The following GMDS variants were observed in gnomAD, a reference collection of about 807,000 sequenced individuals.
GMDS encodes GDP-mannose 4,6 dehydratase.
Under a neutral mutation model 49.9 loss-of-function variants are expected in GMDS, and 20 were observed. The observed-to-expected ratio is 0.40, with a 90% CI of 0.28 to 0.58. GMDS has a LOEUF of 0.58. Among genes scored for constraint, GMDS ranks in the 20% least tolerant of loss-of-function variants. GMDS has a pLI of 0.42. For missense variants in GMDS, 362 were observed against 481.4 expected (o/e 0.75, Z 2.32); for synonymous variants, 177 against 178.6 (o/e 0.99, Z 0.07).
chr6:1,668,355 A>G (rs973310133), intron 9 of GMDS, among the ~76,000 whole-genome samples: 2 of 152,196 alleles, frequency 1.3e-5, no homozygotes, highest in Admixed American at 6.6e-5. Flanking sequence ...TAATAAGATA[A>G]AAAGGCCTTT....
At chr6:1,786,942 A>G (rs943141502) in intron 7 of GMDS, among the ~76,000 whole-genome samples, 1 of 152,176 alleles carries the variant, frequency 6.6e-6, no homozygotes, top group African/African-American at 2.4e-5. Context: ...GCCACCTCAC[A>G]CGTACCTACA....
intron 7 of GMDS, among the ~76,000 whole-genome samples, chr6:1,926,631 G>A (rs1045181394): frequency 1.3e-5 from 2 of 152,076 alleles, no homozygotes; most frequent in African/African-American, 2.4e-5. Context: ...TCATTTTTAT[G>A]ATTGCTGACT....
At chr6:2,039,522 TAAAC>T (rs1381930363) in intron 4 of GMDS, among the ~76,000 whole-genome samples, 1 of 152,178 alleles carries the variant, frequency 6.6e-6, no homozygotes, top group Non-Finnish European at 1.5e-5. Flanking sequence ...ACTATACAGT[TAAAC>T]AAAAAATATT....
chr6:2,025,094 A>G (rs1482782472), intron 4 of GMDS, among the ~76,000 whole-genome samples: 2 of 152,094 alleles, frequency 1.3e-5, no homozygotes, highest in Non-Finnish European at 1.5e-5. Flanking sequence ...GATACTTTGT[A>G]GGAATATTAT....
At chr6:2,056,878 T>C (rs1318515134) in intron 4 of GMDS, among the ~76,000 whole-genome samples, 8 of 152,198 alleles carry the variant, frequency 5.3e-5, no homozygotes, top group Admixed American at 1.3e-4. Context: ...GATGTTAATA[T>C]GATCTTAATT....
chr6:1,740,285 G>A (rs753163473), intron 8 of GMDS, among the ~76,000 whole-genome samples: 7 of 152,122 alleles, frequency 4.6e-5, no homozygotes, highest in Non-Finnish European at 1.0e-4. Flanking sequence ...GGCCAGGTGC[G>A]GTGGCTCATG....
intron 7 of GMDS, among the ~76,000 whole-genome samples, chr6:1,797,249 A>G (rs1769777170): frequency 6.6e-6 from 1 of 152,234 alleles, no homozygotes; most frequent in Non-Finnish European, 1.5e-5. Flanking sequence ...GAGGTGAAAC[A>G]GTTTTGTCAT....
intron 7 of GMDS, among the ~76,000 whole-genome samples, chr6:1,808,883 T>G (rs558048395): frequency 6.0e-5 from 9 of 149,150 alleles, no homozygotes; most frequent in African/African-American, 2.3e-4. Flanking sequence ...TCAGACTTCT[T>G]TGCACTAGTG....
chr6:1,885,033 G>A lies in GMDS; in HGVS notation c.771+45070C>T, dbSNP rs1759535153. On this transcript the variant is annotated intron_variant, in intron 7 of 10. Coordinates refer to ENST00000380815, the MANE Select transcript of GMDS (RefSeq NM_001500.4). The stretch of plus-strand genomic sequence containing the variant: ...ATGAATGTAGCACTCTGATAAAACA[G>A]GAGATATTTAAGCAATCTGGCACCT... Among the ~76,000 whole-genome samples, 3 of 152,188 alleles carry A rather than the reference G, an allele frequency of 2.0e-5. No individual in the cohort carries two copies. In the South Asian group the frequency reaches 6.2e-4, roughly 31 times the overall value.
At chr6:1,763,492 G>A (rs762482988) in intron 7 of GMDS, among the ~76,000 whole-genome samples, 146 of 152,206 alleles carry the variant, frequency 9.6e-4, no homozygotes, top group Non-Finnish European at 1.9e-3. Context: ...ACTGTCTGGC[G>A]AGGCCACAGA....
At chr6:2,196,306 T>C (rs1208903627) in intron 1 of GMDS, among the ~76,000 whole-genome samples, 5 of 152,258 alleles carry the variant, frequency 3.3e-5, no homozygotes, top group Non-Finnish European at 7.3e-5. Context: ...CACCTAGTGC[T>C]ATGCACACAA....
At chr6:2,162,756 C>T (rs1408923121) in intron 1 of GMDS, among the ~76,000 whole-genome samples, 2 of 150,854 alleles carry the variant, frequency 1.3e-5, no homozygotes, top group Non-Finnish European at 2.9e-5. Context: ...GAGTGAGACC[C>T]ATGAGATAAG....
chr6:1,699,980 TGAG>T (rs1428361736), intron 9 of GMDS, among the ~76,000 whole-genome samples: 2 of 152,050 alleles, frequency 1.3e-5, no homozygotes, highest in East Asian at 3.9e-4. Context: ...CAGGCCCAGG[TGAG>T]GAGAACAGCA....
chr6:2,172,884 T>C (rs1391292692), intron 1 of GMDS, among the ~76,000 whole-genome samples: 1 of 152,206 alleles, frequency 6.6e-6, no homozygotes, highest in African/African-American at 2.4e-5. Context: ...GGCTTTGTAC[T>C]GACATTTTAA....
intron 7 of GMDS, among the ~76,000 whole-genome samples, chr6:1,857,016 C>T (rs529663631): frequency 6.6e-6 from 1 of 152,228 alleles, no homozygotes; most frequent in African/African-American, 2.4e-5. Context: ...TAGAGTTGTC[C>T]CACATGCGAA....
In GMDS at chr6:2,154,619, A is replaced by G. The variant is rs146071153; in HGVS notation, c.103-29888T>C. ...ACCTAAACTTAGGCCACTCGACTCC[A>G]GACATTCATTGTCTGGTGCCACCCA... On this transcript the variant is annotated intron_variant, in intron 1 of 10. Transcript: ENST00000380815. Among the ~76,000 whole-genome samples, 24 of 152,190 alleles carry G rather than the reference A, an allele frequency of 1.6e-4. No individual in the cohort carries two copies. In the East Asian group the frequency reaches 4.4e-3, roughly 28 times the overall value.
intron 4 of GMDS, among the ~76,000 whole-genome samples, chr6:1,963,150 C>A (rs1764063261): frequency 6.6e-6 from 1 of 151,508 alleles, no homozygotes; most frequent in Non-Finnish European, 1.5e-5. Context: ...GCTGGAATTA[C>A]AGACATGAGC....
At chr6:2,028,938 G>T (rs975560831) in intron 4 of GMDS, among the ~76,000 whole-genome samples, 6 of 151,730 alleles carry the variant, frequency 4.0e-5, no homozygotes, top group African/African-American at 1.5e-4. Context: ...ATACTTTAGG[G>T]GTTTATGAGG....
intron 7 of GMDS, among the ~76,000 whole-genome samples, chr6:1,793,252 T>C (rs1561808550): frequency 6.6e-6 from 1 of 152,234 alleles, no homozygotes; most frequent in Non-Finnish European, 1.5e-5. Flanking sequence ...AAAATGACTA[T>C]GCATTTGTGA....
Sources: allele counts gnomAD v4.1 joint callset (sites outside exome capture counted in the v4.1 genomes callset), GRCh38; gene constraint gnomAD v4.1.1; transcripts MANE v1.5; gene names NCBI Gene and HGNC (gene_info 2026-07-23, HGNC 2026-07-21).